Variants in NDUFB5 observed in about 807,000 individuals in gnomAD.
NDUFB5 encodes NADH dehydrogenase [ubiquinone] 1 beta subcomplex subunit 5, mitochondrial.
Under a neutral mutation model 19.4 loss-of-function variants are expected in NDUFB5, and 19 were observed. That is an observed-to-expected ratio of 0.98 (90% CI 0.68 to 1.43). The LOEUF is 1.43. Ranked by LOEUF, NDUFB5 falls within the 40% of genes most tolerant of loss-of-function variation. The pLI, the probability that NDUFB5 is intolerant of heterozygous loss-of-function variation, is 0.00. For missense variants in NDUFB5, 233 were observed against 236.5 expected (o/e 0.99, Z 0.10); for synonymous variants, 80 against 82.6 (o/e 0.97, Z 0.17).
intron 4 of NDUFB5, 175 bp downstream of exon 4, chr3:179,617,219 C>CTTCTGCCTCCCGCA (rs1188633465): frequency 3.4e-5 from 15 of 444,004 alleles, no homozygotes; most frequent in African/African-American, 2.7e-4. Context: ...CTCACTGCAA[C>CTTCTGCCTCCCGCA]TTCTGCCTCC....
intron 1 of NDUFB5, among the ~76,000 whole-genome samples, chr3:179,611,805 A>C (rs1719248782): frequency 6.6e-6 from 1 of 152,156 alleles, no homozygotes; most frequent in African/African-American, 2.4e-5. Flanking sequence ...TTCTGAGGCT[A>C]CGTGCATTTT....
Position 179,621,323 on chromosome 3 carries a change from C to T in NDUFB5, c.450-2597C>T, listed in dbSNP as rs564451698. On this transcript the variant is annotated intron_variant, in intron 5 of 5. Coordinates refer to ENST00000259037, the MANE Select transcript of NDUFB5 (RefSeq NM_002492.4). ...AAACACCTGGGTTCAAGCGATCCACCCTCTGGGCCTCCCAAAATGCTGAGA... is the reference window on the plus strand; with the variant it reads ...AAACACCTGGGTTCAAGCGATCCACTCTCTGGGCCTCCCAAAATGCTGAGA... Among the ~76,000 whole-genome samples the T allele has an allele frequency of 5.3e-4, 81 of 152,188 alleles. 1 individual carries two copies. The Middle Eastern group carries it at 0.01, about 19-fold the overall frequency.
At chr3:179,618,375 T>C (rs1209811169) in intron 4 of NDUFB5, 40 bp from the exon 5 acceptor site, 1 of 1,310,532 alleles carries the variant, frequency 7.6e-7, no homozygotes, top group East Asian at 2.3e-5. Context: ...CAAAGTATTA[T>C]TCAGAAATGG....
Position 179,604,891 on chromosome 3 carries a change from C to G in NDUFB5, c.76C>G (p.Arg26Gly), listed in dbSNP as rs373322203. 2 of 1,595,156 alleles carry G rather than the reference C, an allele frequency of 1.3e-6. No homozygotes were observed. Among genetic ancestry groups the G allele is most frequent in the Non-Finnish European group, 1.7e-6 (2 of 1,174,886 alleles). ...AALSGRPLGTRLGFGGFLTRG... is the reference protein window; with the variant it reads ...AALSGRPLGTGLGFGGFLTRG... ...TCTGTCTGGCCGGCCCCTTGGCACT[C>G]GCCTCGGATTTGGGGGCTTCCTCAC... The change falls in exon 1 of 6, where the codon CGC becomes GGC. Residue 26 changes from arginine (R) to glycine (G), a missense_variant. Physicochemically the swap from Arg to Gly is moderately radical, Grantham distance 125. Transcript: ENST00000259037.
chr3:179,624,105 T>C lies in NDUFB5; in HGVS notation c.*65T>C, dbSNP rs1435702609. On this transcript the variant is annotated 3_prime_UTR_variant, in exon 6 of 6. Coordinates refer to ENST00000259037, the MANE Select transcript of NDUFB5 (RefSeq NM_002492.4). ...GGAAAATAAATTAATAAATATATTC[T>C]GTATTTTTGCTCTCCGTGAAAAACA... 7.0e-7 allele frequency: 1 copy of C among 1,435,320 alleles called. No individual in the cohort carries two copies. The highest frequency in any genetic ancestry group is 9.4e-7 in the Non-Finnish European group (1 of 1,061,504). The allele number at this position is 1,435,320 out of a possible 1,614,324, so 88.9% of individuals were successfully genotyped here. A position where few individuals can be genotyped will look rare whatever the true frequency, so the allele number is the denominator to read the frequency against.
chr3:179,606,312 G>A (rs1267832285), intron 1 of NDUFB5, among the ~76,000 whole-genome samples: 1 of 152,082 alleles, frequency 6.6e-6, no homozygotes, highest in Non-Finnish European at 1.5e-5. Context: ...CATTTACTGA[G>A]CACCTGTTAC....
intron 5 of NDUFB5, among the ~76,000 whole-genome samples, chr3:179,621,321 ACC>A (rs1719528096): frequency 6.6e-6 from 1 of 151,816 alleles, no homozygotes; most frequent in Non-Finnish European, 1.5e-5. Flanking sequence ...CAAGCGATCC[ACC>A]CTCTGGGCCT....
chr3:179,619,908 G>A (rs1315732426), intron 5 of NDUFB5, among the ~76,000 whole-genome samples: 11 of 152,250 alleles, frequency 7.2e-5, no homozygotes, highest in Admixed American at 4.6e-4. Flanking sequence ...GTGTGAGATG[G>A]TATCTCATTG....
chr3:179,608,698 G>A (rs1459159456), intron 1 of NDUFB5, among the ~76,000 whole-genome samples: 2 of 152,152 alleles, frequency 1.3e-5, no homozygotes, highest in African/African-American at 4.8e-5. Flanking sequence ...TTCCTCTGGA[G>A]CCTTAGTAAA....
At chr3:179,605,021 G>A in intron 1 of NDUFB5, 82 bp downstream of exon 1, 3 of 1,433,394 alleles carry the variant, frequency 2.1e-6, no homozygotes, top group Non-Finnish European at 2.7e-6. Flanking sequence ...GACCTTGGTG[G>A]GATCCGGAGG....
chr3:179,607,925 G>T (rs573642369), intron 1 of NDUFB5: 2 of 651,796 alleles, frequency 3.1e-6, no homozygotes, highest in South Asian at 3.5e-5. Flanking sequence ...ATTGTCCGTT[G>T]TCCATTGTAT....
At chr3:179,607,294 CTG>C (rs1425144725) in intron 1 of NDUFB5, among the ~76,000 whole-genome samples, 1 of 152,222 alleles carries the variant, frequency 6.6e-6, no homozygotes, top group Admixed American at 6.5e-5. Flanking sequence ...TTGTTTATAT[CTG>C]TCCCTACAAG....
At position 179,626,286 on chromosome 3, in the gene NDUFB5, G is replaced by A. The variant is rs1319587691; in HGVS notation, c.*2246G>A. 6.7e-6 allele frequency: 1 copy of A among 150,248 alleles called. No homozygotes were observed. The highest frequency in any genetic ancestry group is 1.5e-5 in the Non-Finnish European group (1 of 67,784). 9.3% of individuals were successfully genotyped at this position (150,248 alleles called of 1,614,324 possible). A position where few individuals can be genotyped will look rare whatever the true frequency, so the allele number is the denominator to read the frequency against. On this transcript the variant is annotated 3_prime_UTR_variant, in exon 6 of 6. Coordinates refer to ENST00000259037, the MANE Select transcript of NDUFB5 (RefSeq NM_002492.4). ...TTAAATTTTTTTTTTTTTTGAATTG[G>A]GGTCACCCAGTCTGGAGGTGATCTG...
At chr3:179,605,738 C>T (rs1224121972) in intron 1 of NDUFB5, among the ~76,000 whole-genome samples, 8 of 151,458 alleles carry the variant, frequency 5.3e-5, no homozygotes, top group Admixed American at 5.3e-4. Context: ...ATAACTTAGA[C>T]GAAGGGGCCC....
At chr3:179,620,862 A>G (rs943818898) in intron 5 of NDUFB5, among the ~76,000 whole-genome samples, 3 of 152,216 alleles carry the variant, frequency 2.0e-5, no homozygotes, top group African/African-American at 4.8e-5. Context: ...AACTTTGGGT[A>G]GATATTGCCA....
Position 179,625,589 on chromosome 3 carries a change from TTA to T in NDUFB5, c.*1553_*1554del, listed in dbSNP as rs1292249495. The stretch of plus-strand genomic sequence containing the variant: ...GTTAGAAGTATATATAAGTATATTA[TTA>T]TATGTTATTGTTAACTATAATTTAC... On this transcript the variant is annotated 3_prime_UTR_variant, in exon 6 of 6. Coordinates refer to ENST00000259037, the MANE Select transcript of NDUFB5 (RefSeq NM_002492.4). 12 of 152,262 alleles carry T rather than the reference TTA, an allele frequency of 7.9e-5. No individual in the cohort carries two copies. Among genetic ancestry groups the T allele is most frequent in the East Asian group, 3.9e-4 (2 of 5,190 alleles). The allele number at this position is 152,262 out of a possible 1,614,324, so 9.4% of individuals were successfully genotyped here.
intron 3 of NDUFB5, among the ~76,000 whole-genome samples, chr3:179,616,435 G>A (rs1007297786): frequency 2.2e-4 from 33 of 152,044 alleles, no homozygotes; most frequent in Non-Finnish European, 4.1e-4. Context: ...CCAGCTACTC[G>A]GGAGGCTGAG....
intron 1 of NDUFB5, among the ~76,000 whole-genome samples, chr3:179,608,070 G>A (rs564492974): frequency 1.3e-5 from 2 of 152,200 alleles, no homozygotes; most frequent in South Asian, 4.1e-4. Flanking sequence ...GCACCATCTT[G>A]ACTCACTGCA....
rs369405896 is a variant in NDUFB5 at position 179,627,583 on chromosome 3, A to G, written c.*3543A>G. On this transcript the variant is annotated 3_prime_UTR_variant, in exon 6 of 6. Coordinates refer to ENST00000259037, the MANE Select transcript of NDUFB5 (RefSeq NM_002492.4). ...TAACTTAACTCTTTGTTCAGGGCTC[A>G]GTCCTTTGGATGTTAATCTGACTGG... is the stretch of plus-strand genomic sequence containing the variant. 6.6e-6 allele frequency: 1 copy of G among 152,224 alleles called. No individual in the cohort carries two copies. Among genetic ancestry groups the G allele is most frequent in the East Asian group, 1.9e-4 (1 of 5,204 alleles). The allele number at this position is 152,224 out of a possible 1,614,324, so 9.4% of individuals were successfully genotyped here. A position where few individuals can be genotyped will look rare whatever the true frequency, so the allele number is the denominator to read the frequency against.
Sources: allele counts gnomAD v4.1 joint callset (sites outside exome capture counted in the v4.1 genomes callset), GRCh38; gene constraint gnomAD v4.1.1; transcripts MANE v1.5; gene names NCBI Gene and HGNC (gene_info 2026-07-23, HGNC 2026-07-21).